USO1: variants seen among roughly 807,000 people sequenced by gnomAD.
USO1 encodes the protein general vesicular transport factor p115.
A neutral mutation model predicts 124.5 loss-of-function variants in USO1; 57 were observed. The ratio of observed to expected loss-of-function variants is 0.46; its 90% CI spans 0.37 to 0.57. The LOEUF is 0.57. Among genes scored for constraint, USO1 ranks in the 20% least tolerant of loss-of-function variants. The pLI is 0.00. For missense variants in USO1, 900 were observed against 1,040.6 expected (o/e 0.86, Z 1.86); for synonymous variants, 369 against 362.8 (o/e 1.02, Z -0.19).
rs1167483599 is a variant in USO1 at position 75,812,884 on chromosome 4, G to A, written c.2800-322G>A. On this transcript the variant is annotated intron_variant, in intron 23 of 23. Transcript: ENST00000514213. ...CTAGCACTTTGGGGGGCTGAGGTGG[G>A]CAGATTACCTGAGGTCAGGGGTTCG... is the stretch of plus-strand genomic sequence containing the variant. Among the ~76,000 whole-genome samples, 3 of 152,126 alleles carry A rather than the reference G, an allele frequency of 2.0e-5. No homozygotes were observed. The East Asian group carries it at 5.8e-4, about 29-fold the overall frequency.
chr4:75,736,834 C>T (rs1477097186), intron 1 of USO1, among the ~76,000 whole-genome samples: 1 of 152,156 alleles, frequency 6.6e-6, no homozygotes, highest in East Asian at 1.9e-4. Flanking sequence ...CTTTTTTCTA[C>T]TGTCATTCCT....
chr4:75,755,148 G>A (rs888682261), intron 3 of USO1, among the ~76,000 whole-genome samples: 2 of 152,200 alleles, frequency 1.3e-5, no homozygotes, highest in African/African-American at 4.8e-5. Context: ...AAAATAGAAA[G>A]CCACAGTGCC....
intron 1 of USO1, 90 bp downstream of exon 1, chr4:75,724,975 T>A (rs1720358769): frequency 1.4e-6 from 2 of 1,446,520 alleles, no homozygotes; most frequent in South Asian, 1.2e-5. Context: ...ACCTCCAGCG[T>A]CCCACCATGG....
intron 1 of USO1, among the ~76,000 whole-genome samples, chr4:75,739,668 T>C (rs770885292): frequency 2.7e-5 from 4 of 147,318 alleles, no homozygotes; most frequent in Non-Finnish European, 6.0e-5. Flanking sequence ...TGCCTCACCC[T>C]CCTGAGTAGC....
chr4:75,742,699 G>A (rs1363045447), intron 1 of USO1, among the ~76,000 whole-genome samples: 1 of 152,190 alleles, frequency 6.6e-6, no homozygotes. Context: ...AAATAGAGTG[G>A]ATCAATTTCT....
At chr4:75,742,911 C>T (rs960830754) in intron 1 of USO1, among the ~76,000 whole-genome samples, 11 of 151,810 alleles carry the variant, frequency 7.2e-5, no homozygotes, top group African/African-American at 1.9e-4. Flanking sequence ...CTTCTTTGGT[C>T]GGTTTCCAAG....
intron 13 of USO1, among the ~76,000 whole-genome samples, chr4:75,796,636 C>T (rs947262141): frequency 6.6e-6 from 1 of 152,052 alleles, no homozygotes; most frequent in African/African-American, 2.4e-5. Flanking sequence ...CCGCGCCCAG[C>T]CCGCAGCTTC....
chr4:75,803,620 G>T (rs1331830178), intron 17 of USO1, among the ~76,000 whole-genome samples: 1 of 149,324 alleles, frequency 6.7e-6, no homozygotes, highest in Non-Finnish European at 1.5e-5. Flanking sequence ...CTGCACTCCA[G>T]CCTGGGCGAT....
chr4:75,804,112 T>C lies in USO1; in HGVS notation c.1987-22T>C, dbSNP rs761346298. Reference sequence around the variant, plus strand: ...CTAACGAGTATGACTTTAAAACACATGAATTATGTTTTGTTTCACAGGATC... The same window carrying C: ...CTAACGAGTATGACTTTAAAACACACGAATTATGTTTTGTTTCACAGGATC... On this transcript the variant is annotated intron_variant, in intron 17 of 23. Coordinates refer to ENST00000514213, the MANE Select transcript of USO1 (RefSeq NM_003715.4). 3 of 1,609,878 alleles carry C rather than the reference T, an allele frequency of 1.9e-6. No individual in the cohort carries two copies. The South Asian group carries it at 3.3e-5, about 18-fold the overall frequency.
intron 17 of USO1, among the ~76,000 whole-genome samples, chr4:75,802,849 A>C (rs1016298951): frequency 2.7e-5 from 4 of 145,680 alleles, no homozygotes; most frequent in South Asian, 2.2e-4. Flanking sequence ...TTGGGAGGCC[A>C]AGGTGGGCAG....
At chr4:75,793,625 T>A in intron 12 of USO1, 65 bp from the exon 13 acceptor site, 1 of 1,538,836 alleles carries the variant, frequency 6.5e-7, no homozygotes. Context: ...AGAAAACAAT[T>A]TATTTAAAAT....
Position 75,813,202 on chromosome 4 carries a change from C to G in USO1, c.2800-4C>G, listed in dbSNP as rs62318559. ...ACAATATTAAATACGTCTTTTTCCTCTAGGTTGAAGAAGAGGATGAACTTG... is the reference window on the plus strand; with the variant it reads ...ACAATATTAAATACGTCTTTTTCCTGTAGGTTGAAGAAGAGGATGAACTTG... On this transcript the variant is annotated splice_polypyrimidine_tract_variant and splice_region_variant and intron_variant, in intron 23 of 23. Coordinates refer to ENST00000514213, the MANE Select transcript of USO1 (RefSeq NM_003715.4). 6.1e-5 allele frequency: 98 copies of G among 1,601,106 alleles called. No individual in the cohort carries two copies. Among genetic ancestry groups the G allele is most frequent in the Non-Finnish European group, 8.1e-5 (95 of 1,176,548 alleles).
chr4:75,777,148 ACGTC>A (rs1472931421), intron 8 of USO1, among the ~76,000 whole-genome samples: 2 of 152,136 alleles, frequency 1.3e-5, no homozygotes, highest in African/African-American at 4.8e-5. Flanking sequence ...ATTTTTAGTG[ACGTC>A]CTTTCATTGA....
In USO1 at chr4:75,759,246, C is replaced by CTTT. The variant is rs71208100; in HGVS notation, c.295+1689_295+1691dup. 1.1e-3 allele frequency among the ~76,000 whole-genome samples: 75 copies of CTTT among 69,124 alleles called. 9 individuals are homozygous for CTTT. The highest frequency in any genetic ancestry group is 4.6e-3 in the African/African-American group (72 of 15,528). 45.3% of individuals were successfully genotyped at this position (69,124 alleles called of 152,430 possible). On this transcript the variant is annotated intron_variant, in intron 4 of 23. Coordinates refer to ENST00000514213, the MANE Select transcript of USO1 (RefSeq NM_003715.4). ...TAATAGAATCACTTTTATTAAGGAC[C>CTTT]TTTTTTTTTTTTTTTTTTCTGAAAA...
chr4:75,784,346 C>T (rs887279828), intron 9 of USO1, among the ~76,000 whole-genome samples: 1 of 152,092 alleles, frequency 6.6e-6, no homozygotes, highest in Non-Finnish European at 1.5e-5. Context: ...TAAGGAAATT[C>T]CTCTAGAAAA....
At chr4:75,745,018 A>G in intron 1 of USO1, 1 of 406,328 alleles carries the variant, frequency 2.5e-6, no homozygotes, top group South Asian at 1.8e-5. Flanking sequence ...TTATTCCCTT[A>G]CCTTCTCCCT....
chr4:75,765,207 G>A lies in USO1; in HGVS notation c.296-5232G>A, dbSNP rs183803532. On this transcript the variant is annotated intron_variant, in intron 4 of 23. Coordinates refer to ENST00000514213, the MANE Select transcript of USO1 (RefSeq NM_003715.4). ...AATTTCTTGAGGGAGACAATTCTGAGAGAATATTACTTGTCTTTTGAACAT... is the reference window on the plus strand; with the variant it reads ...AATTTCTTGAGGGAGACAATTCTGAAAGAATATTACTTGTCTTTTGAACAT... Among the ~76,000 whole-genome samples the A allele has an allele frequency of 3.2e-4, 48 of 152,252 alleles. 1 individual carries two copies. In the East Asian group the frequency reaches 6.7e-3, roughly 21 times the overall value.
intron 4 of USO1, among the ~76,000 whole-genome samples, chr4:75,762,551 C>G (rs1230815664): frequency 1.3e-5 from 2 of 150,814 alleles, no homozygotes; most frequent in African/African-American, 4.9e-5. Flanking sequence ...GCCAATTTTT[C>G]TTTATTTTTC....
chr4:75,755,679 G>C (rs555008561), intron 3 of USO1, among the ~76,000 whole-genome samples: 1 of 152,302 alleles, frequency 6.6e-6, no homozygotes, highest in African/African-American at 2.4e-5. Flanking sequence ...CGAATTGGAT[G>C]CATCAGGACT....
Sources: gnomAD v4.1 joint callset for allele counts (sites outside exome capture counted in the v4.1 genomes callset) on GRCh38, gnomAD v4.1.1 for gene constraint, MANE v1.5 for transcripts, NCBI Gene and HGNC (gene_info 2026-07-23, HGNC 2026-07-21) for gene names.